THAP7: variants seen among roughly 807,000 people sequenced by gnomAD.
THAP7 encodes THAP domain containing 7.
In THAP7, 22 loss-of-function variants were observed where a neutral mutation model predicts 29.2. The ratio of observed to expected loss-of-function variants is 0.75; its 90% CI spans 0.54 to 1.08. THAP7 has a LOEUF of 1.08. THAP7 is among the 50% of genes least tolerant of loss of function. The probability of loss-of-function intolerance (pLI) is 0.00; values close to 1 mark genes in which losing one functional copy is unlikely to be tolerated. For missense variants in THAP7, 448 were observed against 416.2 expected, an observed-to-expected ratio of 1.08 and a Z score of -0.66; for synonymous variants, 208 against 173.4, an observed-to-expected ratio of 1.20 and a Z score of -1.57.
In THAP7 at chr22:21,001,880, C is replaced by T. The variant is rs1375841864; in HGVS notation, c.32G>A (p.Cys11Tyr). 2.5e-6 allele frequency: 4 copies of T among 1,572,960 alleles called. No homozygotes were observed. The highest frequency in any genetic ancestry group is 3.4e-6 in the Non-Finnish European group (4 of 1,160,750). The change falls in exon 1 of 4, where the codon TGC becomes TAC. Residue 11 changes from cysteine to tyrosine, a missense_variant. Physicochemically the swap from Cys to Tyr is radical, Grantham distance 194. Coordinates refer to ENST00000215742, the MANE Select transcript of THAP7 (RefSeq NM_030573.3). The stretch of plus-strand genomic sequence containing the variant: ...GCGCGTCTCGCGCGTGTCCCGTGTG[C>T]AGCAGCCGGCGGCGGAGCAGTGACG... MPRHCSAAGC[C>Y]TRDTRETRNR...
At chr22:21,001,603 G>A in intron 1 of THAP7, 192 bp from the exon 2 acceptor site, 2 of 943,116 alleles carry the variant, frequency 2.1e-6, no homozygotes, top group Non-Finnish European at 3.1e-6. Context: ...AGTTTCCTCA[G>A]CGTCATCTGG....
chr22:21,001,157 T>C lies in THAP7; in HGVS notation c.236+99A>G, dbSNP rs1925142955. The stretch of plus-strand genomic sequence containing the variant: ...AGCTGGGAACAGGAAACAGCCCCCT[T>C]GGACGCAGGCTGCTCAAGGGACTTC... On this transcript the variant is annotated intron_variant, in intron 2 of 3. Coordinates refer to ENST00000215742, the MANE Select transcript of THAP7 (RefSeq NM_030573.3). 2.6e-6 allele frequency: 4 copies of C among 1,525,048 alleles called. No homozygotes were observed. The Admixed American group carries it at 7.4e-5, about 28-fold the overall frequency. The allele number at this position is 1,525,048 out of a possible 1,614,324, so 94.5% of individuals were successfully genotyped here.
At chr22:21,001,544 AC>A in intron 1 of THAP7, 133 bp from the exon 2 acceptor site, 1 of 1,369,124 alleles carries the variant, frequency 7.3e-7, no homozygotes, top group Non-Finnish European at 9.8e-7. Flanking sequence ...CCGGGTAAGC[AC>A]CACCGCCCGG....
At position 20,999,851 on chromosome 22, in the gene THAP7, G is replaced by GGCAGCCCCTCGGTCAGTCCA; in HGVS notation, c.*9_*28dup. ...GGAGGAAGAGGCTGCAGTCTTGCTG[G>GGCAGCCCCTCGGTCAGTCCA]GCAGCCCCTCGGTCAGTCCAGCAGC... On this transcript the variant is annotated 3_prime_UTR_variant, in exon 4 of 4. Coordinates refer to ENST00000215742, the MANE Select transcript of THAP7 (RefSeq NM_030573.3). The GGCAGCCCCTCGGTCAGTCCA allele has an allele frequency of 1.3e-6, 2 of 1,575,346 alleles. No homozygotes were observed. Among genetic ancestry groups the GGCAGCCCCTCGGTCAGTCCA allele is most frequent in the South Asian group, 2.3e-5 (2 of 87,830 alleles).
chr22:21,001,106 T>C, intron 2 of THAP7, 150 bp downstream of exon 2: 1 of 1,174,642 alleles, frequency 8.5e-7, no homozygotes, highest in Non-Finnish European at 1.2e-6. Flanking sequence ...GGCACAGTGA[T>C]CCTGGGGGTG....
rs888392062 is a variant in THAP7, at chr22:21,002,003, C to G, written c.-92G>C. 31 of 1,320,884 alleles carry G rather than the reference C, an allele frequency of 2.3e-5. No individual in the cohort carries two copies. The highest frequency in any genetic ancestry group is 3.2e-5 in the Non-Finnish European group (31 of 981,954). The allele number at this position is 1,320,884 out of a possible 1,614,324, so 81.8% of individuals were successfully genotyped here. On this transcript the variant is annotated 5_prime_UTR_variant, in exon 1 of 4. Coordinates refer to ENST00000215742, the MANE Select transcript of THAP7 (RefSeq NM_030573.3). Reference sequence around the variant, plus strand: ...AGCCGCCGCTCCTCCCCAAGGGGCTCTGGCCTGTCGGGTCCCCCCCGGCCC... The same window carrying G: ...AGCCGCCGCTCCTCCCCAAGGGGCTGTGGCCTGTCGGGTCCCCCCCGGCCC...
chr22:21,001,835 T>C lies in THAP7; in HGVS notation c.77A>G (p.His26Arg). 1 of 1,555,856 alleles carries C rather than the reference T, an allele frequency of 6.4e-7. No individual in the cohort carries two copies. The highest frequency in any genetic ancestry group is 8.7e-7 in the Non-Finnish European group (1 of 1,152,184). ...CCCGCGGCGCACGCGCGCTGACCTG[T>C]GGAAGGAGATGCCGCGGTTGCGCGT... ...RETRNRGISFHRLPKKDNPRR... is the reference protein window; with the variant it reads ...RETRNRGISFRRLPKKDNPRR... The change falls in exon 1 of 4, where the codon CAC (histidine) becomes CGC (arginine). Residue 26 changes from histidine to arginine, a missense_variant. His to Arg is a conservative substitution (Grantham distance 29). Coordinates refer to ENST00000215742, the MANE Select transcript of THAP7 (RefSeq NM_030573.3).
At position 21,000,627 on chromosome 22, in the gene THAP7, C is replaced by A; in HGVS notation, c.377+20G>T. 2 of 1,613,576 alleles carry A rather than the reference C, an allele frequency of 1.2e-6. No homozygotes were observed. Among genetic ancestry groups the A allele is most frequent in the East Asian group, 4.5e-5 (2 of 44,884 alleles). ...CAGCCTAGGGGTGGGAGTGGGGCATCCCCCACCCATATCACATACCGCTTC... is the reference window on the plus strand; with the variant it reads ...CAGCCTAGGGGTGGGAGTGGGGCATACCCCACCCATATCACATACCGCTTC... On this transcript the variant is annotated intron_variant, in intron 3 of 3. Transcript: ENST00000215742.
chr22:21,001,229 C>T, intron 2 of THAP7, 27 bp downstream of exon 2: 2 of 1,607,748 alleles, frequency 1.2e-6, no homozygotes. Flanking sequence ...ACATCCTACC[C>T]CAGCGTCGGC....
rs1257677021 is a variant in THAP7, at chr22:21,000,679, A to AG, written c.344dup (p.Glu116Ter). 6.2e-7 allele frequency: 1 copy of AG among 1,613,986 alleles called. No homozygotes were observed. The highest frequency in any genetic ancestry group is 8.5e-7 in the Non-Finnish European group (1 of 1,180,018). ...TGCATCGTCTGAGCCGGCTGACTTC[A>AG]GCGGGGCCAGGTGGGTAACTGTGTC... On this transcript the variant is annotated frameshift_variant, in exon 3 of 4. Transcript: ENST00000215742. LOFTEE classifies it high-confidence loss of function.
chr22:21,000,896 T>C, intron 2 of THAP7, 109 bp from the exon 3 acceptor site: 2 of 1,532,740 alleles, frequency 1.3e-6, no homozygotes, highest in Non-Finnish European at 1.8e-6. Flanking sequence ...GTGCAAACAA[T>C]ACGTCTGGGG....
In THAP7 at chr22:20,999,889, G is replaced by A. The variant is rs368371148; in HGVS notation, c.921C>T (p.Ser307=). ...VQDFAMQLSS[S]MA is the part of the protein sequence containing the mutation. The stretch of plus-strand genomic sequence containing the variant: ...TCAGTCCAGCAGCCCCTCAGGCCAT[G>A]CTGCTGCTCAGCTGCATGGCAAAGT... The change falls in exon 4 of 4, where the codon AGC becomes AGT. Residue 307 remains serine (S), a synonymous_variant. Coordinates refer to ENST00000215742, the MANE Select transcript of THAP7 (RefSeq NM_030573.3). 6.2e-7 allele frequency: 1 copy of A among 1,605,870 alleles called. No homozygotes were observed. The highest frequency in any genetic ancestry group is 8.5e-7 in the Non-Finnish European group (1 of 1,178,942).
At chr22:21,001,762 C>G (rs1925181576) in intron 1 of THAP7, 70 bp downstream of exon 1, 1 of 1,465,006 alleles carries the variant, frequency 6.8e-7, no homozygotes, top group African/African-American at 1.4e-5. Context: ...GAAGCCTCTA[C>G]GCAGTTGCGA....
intron 1 of THAP7, 131 bp downstream of exon 1, chr22:21,001,701 C>G: frequency 3.6e-6 from 4 of 1,103,584 alleles, no homozygotes; most frequent in Non-Finnish European, 5.0e-6. Context: ...GACCGTTCCG[C>G]TTCACCTCCC....
At position 20,999,847 on chromosome 22, in the gene THAP7, G is replaced by A. The variant is rs1242922194; in HGVS notation, c.*33C>T. The stretch of plus-strand genomic sequence containing the variant: ...TGAGGGAGGAAGAGGCTGCAGTCTT[G>A]CTGGGCAGCCCCTCGGTCAGTCCAG... On this transcript the variant is annotated 3_prime_UTR_variant, in exon 4 of 4. Transcript: ENST00000215742. The A allele has an allele frequency of 6.4e-7, 1 of 1,571,134 alleles. No homozygotes were observed. The highest frequency in any genetic ancestry group is 8.6e-7 in the Non-Finnish European group (1 of 1,162,594).
At chr22:21,001,556 G>A (rs1925167007) in intron 1 of THAP7, 145 bp from the exon 2 acceptor site, 2 of 1,276,206 alleles carry the variant, frequency 1.6e-6, no homozygotes, top group South Asian at 1.4e-5. Context: ...CACCGCCCGG[G>A]CACAGACGAG....
rs911814104 is a variant in THAP7 at position 20,999,816 on chromosome 22, G to A, written c.*64C>T. On this transcript the variant is annotated 3_prime_UTR_variant, in exon 4 of 4. Transcript: ENST00000215742. ...TATTATGGCACCTGGTGGGTCTGGT[G>A]GGATCTGAGGGAGGAAGAGGCTGCA... is the stretch of plus-strand genomic sequence containing the variant. The A allele has an allele frequency of 2.6e-6, 4 of 1,528,060 alleles. No homozygotes were observed. The highest frequency in any genetic ancestry group is 3.8e-5 in the Admixed American group (2 of 52,678). The allele number at this position is 1,528,060 out of a possible 1,614,324, so 94.7% of individuals were successfully genotyped here. A position where few individuals can be genotyped will look rare whatever the true frequency, so the allele number is the denominator to read the frequency against.
In THAP7 at chr22:21,000,015, C is replaced by T. The variant is rs2147974158; in HGVS notation, c.795G>A (p.Glu265=). Reference sequence around the variant, plus strand: ...TGGTCAGTCTCAACCGCAGCCGCTGCTCCCGCCGCTTGCAGGCCTGCAGCT... The same window carrying T: ...TGGTCAGTCTCAACCGCAGCCGCTGTTCCCGCCGCTTGCAGGCCTGCAGCT... ...QRQLQACKRR[E]QRLRLRLTKL... Residue 265 remains glutamate, a synonymous_variant, in exon 4 of 4, where the codon GAG becomes GAA. Transcript: ENST00000215742. The T allele has an allele frequency of 6.2e-7, 1 of 1,612,674 alleles. No homozygotes were observed. Among genetic ancestry groups the T allele is most frequent in the African/African-American group, 1.3e-5 (1 of 75,066 alleles).
Position 20,999,722 on chromosome 22 carries a change from G to A in THAP7, c.*158C>T. 1 of 831,530 alleles carries A rather than the reference G, an allele frequency of 1.2e-6. No homozygotes were observed. The highest frequency in any genetic ancestry group is 1.8e-5 in the South Asian group (1 of 55,362). 51.5% of individuals were successfully genotyped at this position (831,530 alleles called of 1,614,324 possible). On this transcript the variant is annotated 3_prime_UTR_variant, in exon 4 of 4. Coordinates refer to ENST00000215742, the MANE Select transcript of THAP7 (RefSeq NM_030573.3). ...CTGCAGCCACTGTCTGGGGCAGCAA[G>A]CTTAGTACTCAGAGGGGCTCCAGCC... is the stretch of plus-strand genomic sequence containing the variant.
Sources: allele counts gnomAD v4.1 joint callset, GRCh38; gene constraint gnomAD v4.1.1; transcripts MANE v1.5; gene names NCBI Gene and HGNC (gene_info 2026-07-23, HGNC 2026-07-21).